The following TRAPPC9 variants were observed in gnomAD, a reference collection of about 807,000 sequenced individuals.
The protein encoded by TRAPPC9 is trafficking protein particle complex subunit 9.
TRAPPC9 carries 83 observed loss-of-function variants against 124.0 expected under a neutral mutation model. The ratio of observed to expected loss-of-function variants is 0.67; its 90% CI spans 0.56 to 0.80. TRAPPC9 has a LOEUF of 0.80. TRAPPC9 is among the 30% of genes least tolerant of loss of function. TRAPPC9 has a pLI of 0.00. For synonymous variants in TRAPPC9, 638 were observed against 617.5 expected (o/e 1.03, Z -0.49); for missense variants, 1,302 against 1,508.3 (o/e 0.86, Z 2.27).
intron 17 of TRAPPC9, among the ~76,000 whole-genome samples, chr8:140,136,175 T>A (rs1340826339): frequency 6.7e-6 from 1 of 150,180 alleles, no homozygotes; most frequent in Non-Finnish European, 1.5e-5. Context: ...ACAAGGGCAG[T>A]GGTGGCTTAG....
At chr8:140,389,638 C>T (rs758422814) in intron 7 of TRAPPC9, among the ~76,000 whole-genome samples, 6 of 152,170 alleles carry the variant, frequency 3.9e-5, no homozygotes, top group Admixed American at 6.5e-5. Flanking sequence ...AATCTGCATG[C>T]ATTACCAAAC....
Position 139,988,739 on chromosome 8 carries a change from C to T in TRAPPC9, c.2797G>A (p.Gly933Ser), listed in dbSNP as rs114949291. 4,853 of 1,550,178 alleles carry T rather than the reference C, an allele frequency of 3.1e-3. 66 individuals carry two copies. Among genetic ancestry groups the T allele is most frequent in the South Asian group, 0.026 (2,146 of 84,008 alleles). The part of the protein sequence containing the change: ...RSSEALILHA[G>S]ECQRMAIQVD... ...TGGGACACTTACCGCTGGCACTCAC[C>T]GGCGTGCAGGATGAGTGCCTCGCTG... is the stretch of plus-strand genomic sequence containing the variant. The change falls in exon 19 of 23, where the codon GGT (glycine) becomes AGT (serine). Residue 933 changes from glycine to serine, a missense_variant. This residue lies in a region of TRAPPC9 where 640 missense variants were observed against 679.3 expected (regional missense o/e 0.94). Transcript: ENST00000438773.
chr8:139,876,120 C>T (rs1829301873), intron 21 of TRAPPC9, among the ~76,000 whole-genome samples: 1 of 152,238 alleles, frequency 6.6e-6, no homozygotes, highest in Non-Finnish European at 1.5e-5. Flanking sequence ...AACAAAGCTC[C>T]CCACATGATG....
intron 5 of TRAPPC9, among the ~76,000 whole-genome samples, chr8:140,415,578 G>T (rs1263203250): frequency 1.3e-5 from 2 of 151,392 alleles, no homozygotes; most frequent in African/African-American, 4.9e-5. Context: ...AAAAGAAAAA[G>T]AATACTTTGA....
intron 18 of TRAPPC9, among the ~76,000 whole-genome samples, chr8:140,000,459 G>T (rs1838315461): frequency 1.3e-5 from 2 of 152,154 alleles, no homozygotes; most frequent in Admixed American, 6.5e-5. Flanking sequence ...TACAGAATGG[G>T]AGAAAATTTT....
chr8:139,748,911 T>C (rs1819135068), intron 21 of TRAPPC9, among the ~76,000 whole-genome samples: 2 of 152,136 alleles, frequency 1.3e-5, no homozygotes, highest in African/African-American at 4.8e-5. Flanking sequence ...TTCTAGACCT[T>C]GAACTCTGGC....
chr8:139,909,704 G>A (rs140056639), intron 20 of TRAPPC9, among the ~76,000 whole-genome samples: 129 of 152,324 alleles, frequency 8.5e-4, no homozygotes, highest in Non-Finnish European at 1.6e-3. Flanking sequence ...CAATCCTTCT[G>A]AAAACTCTCT....
chr8:140,277,891 G>A (rs2065174721), intron 14 of TRAPPC9, among the ~76,000 whole-genome samples: 1 of 152,184 alleles, frequency 6.6e-6, no homozygotes, highest in African/African-American at 2.4e-5. Flanking sequence ...GGTCTATGGC[G>A]ATGAGACTCT....
intron 17 of TRAPPC9, chr8:140,094,859 C>T (rs1844822854): frequency 6.6e-6 from 1 of 152,362 alleles, no homozygotes; most frequent in South Asian, 2.1e-4. Context: ...TCCTACCCGA[C>T]TGGCTTTGTA....
At position 140,182,770 on chromosome 8, in the gene TRAPPC9, G is replaced by A. The variant is rs780511023; in HGVS notation, c.2556+38689C>T. 1.1e-4 allele frequency among the ~76,000 whole-genome samples: 17 copies of A among 152,010 alleles called. No individual in the cohort carries two copies. The highest frequency in any genetic ancestry group is 2.5e-4 in the Non-Finnish European group (17 of 68,016). ...TGGCCTTGACCTATTACCCTCAGCT[G>A]AACACATCGTCACACACACCACAAC... On this transcript the variant is annotated intron_variant, in intron 17 of 22. Transcript: ENST00000438773. This position sits in a 1 kb window ranked among gnomAD's most constrained non-coding sequence, Gnocchi z 4.0.
At chr8:140,330,117 C>T (rs1165388540) in intron 9 of TRAPPC9, among the ~76,000 whole-genome samples, 2 of 151,954 alleles carry the variant, frequency 1.3e-5, no homozygotes, top group Non-Finnish European at 2.9e-5. Flanking sequence ...TATGTTCACG[C>T]TTTTTGCTTT....
chr8:139,730,730 G>A lies in TRAPPC9; in HGVS notation c.*331C>T, dbSNP rs548729054. Reference sequence around the variant, plus strand: ...TCTGCTGGGATGAGCAGCACAGCACGGCTGGGGCCCCAGGTCACAGAAATG... The same window carrying A: ...TCTGCTGGGATGAGCAGCACAGCACAGCTGGGGCCCCAGGTCACAGAAATG... On this transcript the variant is annotated 3_prime_UTR_variant, in exon 23 of 23. Transcript: ENST00000438773. The A allele has an allele frequency of 2.9e-4, 110 of 381,794 alleles. 3 individuals are homozygous for A. In the East Asian group the frequency reaches 5.6e-3, roughly 19 times the overall value. 23.7% of individuals were successfully genotyped at this position (381,794 alleles called of 1,614,324 possible).
chr8:140,054,556 A>G (rs951831244), intron 17 of TRAPPC9, among the ~76,000 whole-genome samples: 1 of 152,198 alleles, frequency 6.6e-6, no homozygotes, highest in African/African-American at 2.4e-5. Flanking sequence ...ACAATAATAG[A>G]TTAGAGCAAA....
At chr8:139,935,119 A>T (rs148796595) in intron 19 of TRAPPC9, among the ~76,000 whole-genome samples, 1 of 152,118 alleles carries the variant, frequency 6.6e-6, no homozygotes, top group Non-Finnish European at 1.5e-5. Flanking sequence ...AAGACCAGAC[A>T]AGACATCACC....
At chr8:140,029,226 C>T (rs1840345823) in intron 17 of TRAPPC9, among the ~76,000 whole-genome samples, 1 of 152,198 alleles carries the variant, frequency 6.6e-6, no homozygotes, top group South Asian at 2.1e-4. Flanking sequence ...AAAAGATGGC[C>T]AGGCATTGCG....
At chr8:140,110,307 TA>T (rs2130487453) in intron 17 of TRAPPC9, among the ~76,000 whole-genome samples, 1 of 53,386 alleles carries the variant, frequency 1.9e-5, no homozygotes, top group African/African-American at 8.3e-5. Flanking sequence ...CAGCTCCCCC[TA>T]CAGCAGCTCC....
At chr8:140,231,302 G>C (rs372690054) in intron 16 of TRAPPC9, among the ~76,000 whole-genome samples, 13 of 152,128 alleles carry the variant, frequency 8.5e-5, no homozygotes, top group African/African-American at 3.1e-4. Flanking sequence ...GCCAAGAACT[G>C]TATGCCTGCA....
At chr8:139,756,375 C>T (rs1262415228) in intron 21 of TRAPPC9, among the ~76,000 whole-genome samples, 12 of 134,990 alleles carry the variant, frequency 8.9e-5, no homozygotes, top group Non-Finnish European at 7.8e-5. Flanking sequence ...GACAGCAGGT[C>T]GCAGGAGGAG....
intron 17 of TRAPPC9, among the ~76,000 whole-genome samples, chr8:140,085,603 A>G (rs1844136700): frequency 6.6e-6 from 1 of 152,202 alleles, no homozygotes; most frequent in South Asian, 2.1e-4. Context: ...GGAGCCCAGG[A>G]CTTTCAATCC....
Sources: allele counts gnomAD v4.1 joint callset (sites outside exome capture counted in the v4.1 genomes callset), GRCh38; gene constraint gnomAD v4.1.1; regional missense constraint gnomAD v4.1.1; non-coding constraint Gnocchi (gnomAD v3.1); transcripts MANE v1.5; gene names NCBI Gene and HGNC (gene_info 2026-07-23, HGNC 2026-07-21).